DPF3: variants seen among roughly 807,000 people sequenced by gnomAD.
The protein encoded by DPF3 is zinc finger protein DPF3.
In DPF3, 18 loss-of-function variants were observed where a neutral mutation model predicts 56.8. The observed-to-expected ratio is 0.32, with a 90% CI of 0.22 to 0.47. DPF3 has a LOEUF of 0.47. Among genes scored for constraint, DPF3 ranks in the 20% least tolerant of loss-of-function variants. DPF3 has a pLI of 1.00. For synonymous variants in DPF3, 188 were observed against 180.2 expected (o/e 1.04, Z -0.35); for missense variants, 403 against 488.8 (o/e 0.82, Z 1.65).
chr14:72,778,003 C>T (rs1891817642), intron 1 of DPF3, among the ~76,000 whole-genome samples: 1 of 152,120 alleles, frequency 6.6e-6, no homozygotes, highest in East Asian at 1.9e-4. Context: ...GGGATTAGGG[C>T]CCATATAAGG....
intron 7 of DPF3, among the ~76,000 whole-genome samples, chr14:72,692,046 G>A (rs999600269): frequency 1.3e-5 from 2 of 152,180 alleles, no homozygotes; most frequent in African/African-American, 4.8e-5. Flanking sequence ...AATGGTCTTG[G>A]CCACAGGTGT....
intron 1 of DPF3, among the ~76,000 whole-genome samples, chr14:72,845,555 C>T (rs1379910921): frequency 6.6e-6 from 1 of 152,202 alleles, no homozygotes; most frequent in Admixed American, 6.5e-5. Flanking sequence ...TGCCTTCTCC[C>T]ACGTCTGTCC....
At chr14:72,754,718 A>G (rs1890719495) in intron 2 of DPF3, among the ~76,000 whole-genome samples, 1 of 152,214 alleles carries the variant, frequency 6.6e-6, no homozygotes, top group Non-Finnish European at 1.5e-5. Context: ...GAGAAAATCT[A>G]TGTAACTTTC....
At chr14:72,725,290 G>C (rs1889354597) in intron 4 of DPF3, among the ~76,000 whole-genome samples, 1 of 152,080 alleles carries the variant, frequency 6.6e-6, no homozygotes, top group Non-Finnish European at 1.5e-5. Flanking sequence ...AACAGTGGTA[G>C]GCAAGTTCAA....
At chr14:72,680,241 C>T (rs1388010133) in intron 7 of DPF3, among the ~76,000 whole-genome samples, 1 of 152,246 alleles carries the variant, frequency 6.6e-6, no homozygotes, top group African/African-American at 2.4e-5. Flanking sequence ...TCCCCCAGGC[C>T]TGACACCTTT....
chr14:72,858,617 G>C (rs1019079049), intron 1 of DPF3, among the ~76,000 whole-genome samples: 1 of 152,190 alleles, frequency 6.6e-6, no homozygotes, highest in Non-Finnish European at 1.5e-5. Flanking sequence ...CAAAACTAAG[G>C]CGTGGTCCTT....
intron 1 of DPF3, among the ~76,000 whole-genome samples, chr14:72,800,988 G>A (rs1423179728): frequency 4.6e-5 from 7 of 152,158 alleles, no homozygotes; most frequent in African/African-American, 1.7e-4. Flanking sequence ...CTGGAATAAC[G>A]GGAGATGACT....
chr14:72,681,023 A>G (rs986029703), intron 7 of DPF3, among the ~76,000 whole-genome samples: 1 of 152,164 alleles, frequency 6.6e-6, no homozygotes, highest in Non-Finnish European at 1.5e-5. Context: ...CCTGTTACCC[A>G]TGTGCTACCT....
chr14:72,834,982 G>T (rs1411190605), intron 1 of DPF3, among the ~76,000 whole-genome samples: 3 of 104,190 alleles, frequency 2.9e-5, no homozygotes, highest in African/African-American at 1.2e-4. Flanking sequence ...CATCTCTATG[G>T]AATATCTAGA....
chr14:72,714,324 A>T, intron 6 of DPF3, 99 bp downstream of exon 6: 1 of 1,460,718 alleles, frequency 6.8e-7, no homozygotes, highest in South Asian at 1.2e-5. Context: ...GAGAGCACAC[A>T]CTGAGGTTGG....
At chr14:72,674,159 C>T in intron 8 of DPF3, 81 bp downstream of exon 8, 1 of 1,508,968 alleles carries the variant, frequency 6.6e-7, no homozygotes. Flanking sequence ...CTCCAGTCTC[C>T]AGCACCACAA....
chr14:72,622,785 C>A (rs1279661877), intron 9 of DPF3, among the ~76,000 whole-genome samples: 1 of 152,064 alleles, frequency 6.6e-6, no homozygotes, highest in Non-Finnish European at 1.5e-5. Context: ...AATGGGAATC[C>A]CATTCTCGGA....
chr14:72,752,894 C>A (rs1890637352), intron 3 of DPF3, among the ~76,000 whole-genome samples: 1 of 152,128 alleles, frequency 6.6e-6, no homozygotes, highest in South Asian at 2.1e-4. Flanking sequence ...TAGAAACATA[C>A]AAACTGGGCC....
intron 1 of DPF3, among the ~76,000 whole-genome samples, chr14:72,808,704 G>T (rs1364452692): frequency 6.6e-6 from 1 of 152,186 alleles, no homozygotes; most frequent in Non-Finnish European, 1.5e-5. Flanking sequence ...CCAGCTTGTT[G>T]CTTCCCTCCA....
intron 8 of DPF3, among the ~76,000 whole-genome samples, chr14:72,647,104 G>A (rs960427226): frequency 2.0e-5 from 3 of 152,180 alleles, no homozygotes; most frequent in Admixed American, 6.5e-5. Context: ...ATGAGGGCTC[G>A]AAAGCCTTTC....
At chr14:72,863,090 ATATATATATATG>A (rs1340276762) in intron 1 of DPF3, among the ~76,000 whole-genome samples, 2 of 118,966 alleles carry the variant, frequency 1.7e-5, no homozygotes, top group African/African-American at 5.7e-5. Context: ...ATATATATAT[ATATATATATATG>A]TGTGTGTATA....
chr14:72,853,813 A>G (rs1885077530), intron 1 of DPF3, among the ~76,000 whole-genome samples: 1 of 152,178 alleles, frequency 6.6e-6, no homozygotes, highest in South Asian at 2.1e-4. Context: ...TCACTGCAGT[A>G]CTGCCAACCC....
At chr14:72,883,248 G>A (rs1409408463) in intron 1 of DPF3, among the ~76,000 whole-genome samples, 1 of 152,102 alleles carries the variant, frequency 6.6e-6, no homozygotes, top group East Asian at 1.9e-4. Flanking sequence ...ATCACTTGAG[G>A]CCAGAAGTTC....
chr14:72,690,573 G>A (rs373809414), intron 7 of DPF3, among the ~76,000 whole-genome samples: 231 of 148,498 alleles, frequency 1.6e-3, no homozygotes, highest in African/African-American at 5.5e-3. Context: ...CACACACAAC[G>A]TACATACACA....
Sources: gnomAD v4.1 joint callset for allele counts (sites outside exome capture counted in the v4.1 genomes callset) on GRCh38, gnomAD v4.1.1 for gene constraint, MANE v1.5 for transcripts, NCBI Gene and HGNC (gene_info 2026-07-23, HGNC 2026-07-21) for gene names.